The following SNTG2 variants were observed in gnomAD, a reference collection of about 807,000 sequenced individuals.
The protein encoded by SNTG2 is gamma-2-syntrophin.
Under a neutral mutation model 70.9 loss-of-function variants are expected in SNTG2, and 74 were observed. The ratio of observed to expected loss-of-function variants is 1.04; its 90% confidence interval spans 0.86 to 1.27. The LOEUF is 1.27. SNTG2 is among the 50% of genes most tolerant of loss of function. The pLI is 0.00. For synonymous variants in SNTG2, 278 were observed against 273.8 expected (o/e 1.02, Z -0.15); for missense variants, 717 against 690.7 (o/e 1.04, Z -0.43).
intron 4 of SNTG2, among the ~76,000 whole-genome samples, chr2:1,121,803 C>T (rs1000398912): frequency 2.0e-5 from 3 of 152,152 alleles, no homozygotes; most frequent in African/African-American, 7.2e-5. Context: ...TCTCCCTTGA[C>T]ACGTGGGGAT....
chr2:1,360,731 C>A (rs926987859), intron 16 of SNTG2, among the ~76,000 whole-genome samples: 9 of 152,100 alleles, frequency 5.9e-5, no homozygotes, highest in African/African-American at 2.2e-4. Flanking sequence ...TCTGATTTCA[C>A]CCCCCTACAT....
intron 1 of SNTG2, among the ~76,000 whole-genome samples, chr2:1,048,952 G>T (rs115465516): frequency 1.1e-3 from 172 of 152,244 alleles, no homozygotes; most frequent in African/African-American, 3.9e-3. Flanking sequence ...TTTGTCATCA[G>T]TCATTCACAT....
At chr2:1,111,081 T>C (rs549535163) in intron 4 of SNTG2, among the ~76,000 whole-genome samples, 1 of 152,316 alleles carries the variant, frequency 6.6e-6, no homozygotes, top group African/African-American at 2.4e-5. Flanking sequence ...CATTTTCCAA[T>C]CCCCAGATCT....
intron 4 of SNTG2, among the ~76,000 whole-genome samples, chr2:1,114,484 C>G (rs200154168): frequency 1.3e-5 from 2 of 151,254 alleles, no homozygotes; most frequent in Non-Finnish European, 1.5e-5. Context: ...TTAACCCTTA[C>G]AGTCCTTTGA....
intron 14 of SNTG2, among the ~76,000 whole-genome samples, chr2:1,293,759 C>T (rs1334390654): frequency 3.3e-5 from 5 of 151,988 alleles, no homozygotes; most frequent in African/African-American, 4.8e-5. Flanking sequence ...GCTTGTTTTG[C>T]GGCCGAGCAT....
chr2:960,496 A>G (rs1230648872), intron 1 of SNTG2, among the ~76,000 whole-genome samples: 1 of 152,230 alleles, frequency 6.6e-6, no homozygotes, highest in Non-Finnish European at 1.5e-5. Context: ...AGCTGGATGC[A>G]GACAGAGGAC....
At chr2:1,315,835 T>C (rs940806547) in intron 15 of SNTG2, among the ~76,000 whole-genome samples, 10 of 152,204 alleles carry the variant, frequency 6.6e-5, no homozygotes, top group Non-Finnish European at 1.5e-5. Flanking sequence ...CTTTTGACTA[T>C]GTCTTATATA....
At chr2:1,264,642 A>G (rs1166299760) in intron 13 of SNTG2, among the ~76,000 whole-genome samples, 2 of 152,232 alleles carry the variant, frequency 1.3e-5, no homozygotes, top group African/African-American at 4.8e-5. Flanking sequence ...TATGGTGTCA[A>G]TAAATACAGT....
rs1379372500 is a variant in SNTG2, at chr2:1,355,686, TC to T, written c.1489-11655del. Among the ~76,000 whole-genome samples the T allele has an allele frequency of 2.6e-5, 4 of 152,320 alleles. No homozygotes were observed. The East Asian group carries it at 7.7e-4, about 29-fold the overall frequency. ...TCTCTTGGAGATACTGATTCCATTTTCCTCGGATGCATTCCTAGAGAAGGGA... is the reference window on the plus strand; with the variant it reads ...TCTCTTGGAGATACTGATTCCATTTTCTCGGATGCATTCCTAGAGAAGGGA... On this transcript the variant is annotated intron_variant, in intron 16 of 16. Transcript: ENST00000308624.
At position 1,365,189 on chromosome 2, in the gene SNTG2, G is replaced by C. The variant is rs990609214; in HGVS notation, c.1489-2154G>C. Among the ~76,000 whole-genome samples the C allele has an allele frequency of 2.0e-5, 3 of 152,024 alleles. No individual in the cohort carries two copies. In the East Asian group the frequency reaches 5.8e-4, roughly 29 times the overall value. On this transcript the variant is annotated intron_variant, in intron 16 of 16. Coordinates refer to ENST00000308624, the MANE Select transcript of SNTG2 (RefSeq NM_018968.4). The stretch of plus-strand genomic sequence containing the variant: ...ATTGGCGAATCCAGCTTGAATTAAA[G>C]TTTAACACAAGGGCTGGGCAGGCCC...
intron 4 of SNTG2, among the ~76,000 whole-genome samples, chr2:1,122,605 CATTATAATCA>C (rs1667442741): frequency 6.6e-6 from 1 of 151,594 alleles, no homozygotes; most frequent in Admixed American, 6.6e-5. Context: ...TCCTAGCTAG[CATTATAATCA>C]ATATGAACAA....
chr2:1,209,073 T>G, intron 8 of SNTG2, 30 bp from the exon 9 acceptor site: 1 of 1,611,758 alleles, frequency 6.2e-7, no homozygotes, highest in Non-Finnish European at 8.5e-7. Flanking sequence ...TCTGCCTCTG[T>G]GACGCTTCAT....
intron 16 of SNTG2, among the ~76,000 whole-genome samples, chr2:1,324,857 C>G (rs1053639855): frequency 6.6e-6 from 1 of 152,216 alleles, no homozygotes; most frequent in Non-Finnish European, 1.5e-5. Flanking sequence ...TTTAAAGACT[C>G]TTGAGGCTGG....
intron 12 of SNTG2, among the ~76,000 whole-genome samples, chr2:1,255,863 A>AAT (rs1427581051): frequency 0.045 from 467 of 10,384 alleles, 3 homozygotes; most frequent in East Asian, 0.067. Context: ...AATATATATA[A>AAT]ATATATATAA....
intron 9 of SNTG2, among the ~76,000 whole-genome samples, chr2:1,230,734 C>T (rs918724121): frequency 3.5e-4 from 53 of 152,212 alleles, no homozygotes; most frequent in African/African-American, 1.3e-3. Context: ...AGCCTAGGCC[C>T]GGGCCCCACA....
At chr2:1,314,752 T>C (rs1408428354) in intron 15 of SNTG2, among the ~76,000 whole-genome samples, 1 of 152,186 alleles carries the variant, frequency 6.6e-6, no homozygotes, top group Non-Finnish European at 1.5e-5. Context: ...TTGAATGGAC[T>C]CAGTTCCACA....
chr2:1,199,321 G>T (rs1673135856), intron 8 of SNTG2, among the ~76,000 whole-genome samples: 1 of 151,718 alleles, frequency 6.6e-6, no homozygotes, highest in Non-Finnish European at 1.5e-5. Flanking sequence ...GCATTTGATA[G>T]AATTCAACAA....
chr2:1,192,755 C>T (rs896756677), intron 8 of SNTG2, among the ~76,000 whole-genome samples: 6 of 152,150 alleles, frequency 3.9e-5, no homozygotes, highest in Admixed American at 2.6e-4. Context: ...CCTACACCCT[C>T]CCCTAGTGGA....
intron 1 of SNTG2, among the ~76,000 whole-genome samples, chr2:1,079,223 C>T (rs952907694): frequency 1.3e-5 from 2 of 152,198 alleles, no homozygotes; most frequent in Admixed American, 1.3e-4. Context: ...CCTCTGTGCC[C>T]AGGCTGTCCA....
Sources: allele counts gnomAD v4.1 joint callset (sites outside exome capture counted in the v4.1 genomes callset), GRCh38; gene constraint gnomAD v4.1.1; transcripts MANE v1.5; gene names NCBI Gene and HGNC (gene_info 2026-07-23, HGNC 2026-07-21).